ADCY10: variants seen among roughly 807,000 people sequenced by gnomAD.
ADCY10 encodes adenylate cyclase 10, also known as adenylate cyclase type 10.
A neutral mutation model predicts 183.3 loss-of-function variants in ADCY10; 156 were observed. That is an observed-to-expected ratio of 0.85 (90% CI 0.75 to 0.97). The LOEUF (loss-of-function observed/expected upper bound fraction) is 0.97. Among genes scored for constraint, ADCY10 ranks in the 50% least tolerant of loss-of-function variants. ADCY10 has a pLI of 0.00. For missense variants in ADCY10, 1,745 were observed against 1,934.3 expected, an observed-to-expected ratio of 0.90 and a Z score of 1.84; for synonymous variants, 645 against 670.0, an observed-to-expected ratio of 0.96 and a Z score of 0.58.
At chr1:167,879,617 G>T (rs1667735238) in intron 11 of ADCY10, among the ~76,000 whole-genome samples, 1 of 151,686 alleles carries the variant, frequency 6.6e-6, no homozygotes, top group Non-Finnish European at 1.5e-5. Flanking sequence ...TAACTATCGT[G>T]GTATTTTACA....
chr1:167,846,191 C>T lies in ADCY10; in HGVS notation c.2510G>A (p.Gly837Asp). Residue 837 changes from glycine to aspartate, a missense_variant, in exon 20 of 33, where the codon GGC becomes GAC. By Grantham distance (94) the Gly-to-Asp change is moderately conservative. Coordinates refer to ENST00000367851, the MANE Select transcript of ADCY10 (RefSeq NM_018417.6). ...QMLVRCAAII[G>D]LTFTTELLFE... Reference sequence around the variant, plus strand: ...CAACAACTCAGTGGTGAAGGTCAGGCCAATGATGGCAGCACATCTCACCAG... The same window carrying T: ...CAACAACTCAGTGGTGAAGGTCAGGTCAATGATGGCAGCACATCTCACCAG... The T allele has an allele frequency of 6.2e-7, 1 of 1,614,194 alleles. No homozygotes were observed. The highest frequency in any genetic ancestry group is 8.5e-7 in the Non-Finnish European group (1 of 1,180,038).
intron 17 of ADCY10, among the ~76,000 whole-genome samples, chr1:167,855,086 C>T (rs192710067): frequency 2.0e-5 from 3 of 152,092 alleles, no homozygotes; most frequent in South Asian, 2.1e-4. Context: ...TTTGGGAGGC[C>T]GAGGAGGGCG....
intron 23 of ADCY10, among the ~76,000 whole-genome samples, chr1:167,835,706 T>G (rs923934841): frequency 6.6e-6 from 1 of 152,058 alleles, no homozygotes; most frequent in Non-Finnish European, 1.5e-5. Context: ...CTGGGCAACA[T>G]AGTGTAACCC....
chr1:167,898,926 A>G (rs987761139), intron 6 of ADCY10, among the ~76,000 whole-genome samples: 1 of 152,128 alleles, frequency 6.6e-6, no homozygotes, highest in Admixed American at 6.5e-5. Flanking sequence ...TCAATCTGCA[A>G]CTTAACCACA....
chr1:167,899,657 A>T, intron 5 of ADCY10, 29 bp from the exon 6 acceptor site: 1 of 1,607,278 alleles, frequency 6.2e-7, no homozygotes, highest in South Asian at 1.1e-5. Flanking sequence ...ATAGGTTTGC[A>T]CAAGAAGTTC....
chr1:167,813,811 A>G (rs1038976823), intron 31 of ADCY10, among the ~76,000 whole-genome samples: 1 of 152,116 alleles, frequency 6.6e-6, no homozygotes, highest in African/African-American at 2.4e-5. Context: ...ATAATTATTC[A>G]TTTATGTTTT....
chr1:167,841,028 C>T (rs1664596323), intron 21 of ADCY10, among the ~76,000 whole-genome samples: 1 of 151,232 alleles, frequency 6.6e-6, no homozygotes, highest in Non-Finnish European at 1.5e-5. Flanking sequence ...GCAGCCTCAA[C>T]CTCCCTGGCT....
At chr1:167,811,361 G>T (rs1571196074) in intron 31 of ADCY10, among the ~76,000 whole-genome samples, 1 of 152,060 alleles carries the variant, frequency 6.6e-6, no homozygotes, top group East Asian at 1.9e-4. Flanking sequence ...GGCCGAGGTG[G>T]GTGGATCACA....
intron 16 of ADCY10, among the ~76,000 whole-genome samples, chr1:167,858,795 G>A (rs774133884): frequency 6.6e-6 from 1 of 152,144 alleles, no homozygotes; most frequent in Non-Finnish European, 1.5e-5. Flanking sequence ...ATAAAGTATG[G>A]GTTGGTGTGA....
rs536368299 is a variant in ADCY10 at position 167,837,149 on chromosome 1, G to C, written c.3077+100C>G. The C allele has an allele frequency of 6.8e-5, 75 of 1,098,474 alleles. No individual in the cohort carries two copies. The South Asian group carries it at 9.2e-4, about 13-fold the overall frequency. 68.0% of individuals were successfully genotyped at this position (1,098,474 alleles called of 1,614,324 possible). A position where few individuals can be genotyped will look rare whatever the true frequency, so the allele number is the denominator to read the frequency against. Reference sequence around the variant, plus strand: ...CCCAAAGTTTCCCACTTGCATCTAAGAGGTCAAAAGTACTGGCCAGACAAA... The same window carrying C: ...CCCAAAGTTTCCCACTTGCATCTAACAGGTCAAAAGTACTGGCCAGACAAA... On this transcript the variant is annotated intron_variant, in intron 22 of 32. Coordinates refer to ENST00000367851, the MANE Select transcript of ADCY10 (RefSeq NM_018417.6).
chr1:167,812,497 C>T lies in ADCY10; in HGVS notation c.4483-1584G>A, dbSNP rs185437635. Reference sequence around the variant, plus strand: ...AGAGACAGCCTACAACAATAAAAAACAAAAACAACAACAAAACCCAGAAAA... The same window carrying T: ...AGAGACAGCCTACAACAATAAAAAATAAAAACAACAACAAAACCCAGAAAA... On this transcript the variant is annotated intron_variant, in intron 31 of 32. Transcript: ENST00000367851. 6.3e-3 allele frequency among the ~76,000 whole-genome samples: 952 copies of T among 152,214 alleles called. 5 individuals carry two copies. Among genetic ancestry groups the T allele is most frequent in the Admixed American group, 0.011 (165 of 15,288 alleles).
chr1:167,890,130 G>T (rs1668492617), intron 8 of ADCY10, among the ~76,000 whole-genome samples: 4 of 152,138 alleles, frequency 2.6e-5, no homozygotes, highest in Non-Finnish European at 5.9e-5. Context: ...GTTCGTCAGT[G>T]TCTGGACATT....
chr1:167,811,045 A>G (rs1662174893), intron 31 of ADCY10, 132 bp from the exon 32 acceptor site: 14 of 823,144 alleles, frequency 1.7e-5, no homozygotes, highest in Non-Finnish European at 2.8e-5. Context: ...CATTATAGAG[A>G]CATACACAGT....
At chr1:167,819,793 G>A (rs1245123864) in intron 30 of ADCY10, 43 of 524,786 alleles carry the variant, frequency 8.2e-5, no homozygotes, top group Non-Finnish European at 1.4e-4. Context: ...TTGAACTCCC[G>A]ACCTCAGGTG....
intron 30 of ADCY10, chr1:167,820,148 A>G: frequency 6.5e-7 from 1 of 1,547,528 alleles, no homozygotes. Flanking sequence ...GGATCCCTTA[A>G]TTTCCTGCCC....
intron 16 of ADCY10, among the ~76,000 whole-genome samples, chr1:167,858,442 G>A (rs1421538830): frequency 7.0e-6 from 1 of 143,284 alleles, no homozygotes; most frequent in Non-Finnish European, 1.5e-5. Flanking sequence ...AGGTCTCAGT[G>A]AGCCGAGACC....
At chr1:167,837,492 A>G (rs1288554162) in intron 21 of ADCY10, among the ~76,000 whole-genome samples, 174 bp from the exon 22 acceptor site, 1 of 152,230 alleles carries the variant, frequency 6.6e-6, no homozygotes, top group African/African-American at 2.4e-5. Flanking sequence ...AGTTCTCACA[A>G]TAGAATTAGA....
chr1:167,859,138 C>G (rs1448694091), intron 16 of ADCY10, among the ~76,000 whole-genome samples: 3 of 152,192 alleles, frequency 2.0e-5, no homozygotes, highest in Non-Finnish European at 4.4e-5. Flanking sequence ...GCATTAGACA[C>G]TCAACTCAGC....
At chr1:167,855,857 A>G (rs1212995677) in intron 17 of ADCY10, among the ~76,000 whole-genome samples, 1 of 152,054 alleles carries the variant, frequency 6.6e-6, no homozygotes, top group Non-Finnish European at 1.5e-5. Context: ...ACAGAAATAA[A>G]AAATTTACCG....
Sources: gnomAD v4.1 joint callset for allele counts (sites outside exome capture counted in the v4.1 genomes callset) on GRCh38, gnomAD v4.1.1 for gene constraint, MANE v1.5 for transcripts, NCBI Gene and HGNC (gene_info 2026-07-23, HGNC 2026-07-21) for gene names.